The following USP36 variants were observed in gnomAD, a reference collection of about 807,000 sequenced individuals.
USP36 encodes ubiquitin carboxyl-terminal hydrolase 36.
A neutral mutation model predicts 111.5 loss-of-function variants in USP36; 59 were observed. The observed-to-expected ratio is 0.53, with a 90% confidence interval of 0.43 to 0.66. The LOEUF is 0.66. USP36 is among the 30% of genes least tolerant of loss of function. The probability of loss-of-function intolerance (pLI) is 0.00; values close to 1 mark genes in which losing one functional copy is unlikely to be tolerated. For missense variants in USP36, 1,488 were observed against 1,468.0 expected (o/e 1.01, Z -0.22); for synonymous variants, 628 against 581.0 (o/e 1.08, Z -1.16).
At chr17:78,809,464 G>A (rs547428543) in intron 13 of USP36, among the ~76,000 whole-genome samples, 20 of 152,250 alleles carry the variant, frequency 1.3e-4, no homozygotes, top group African/African-American at 4.6e-4. Flanking sequence ...GAGTAAAACG[G>A]CTCGTCTGCT....
chr17:78,815,933 CATAT>C (rs766191780), intron 10 of USP36, among the ~76,000 whole-genome samples: 4 of 149,298 alleles, frequency 2.7e-5, no homozygotes, highest in Admixed American at 6.6e-5. Flanking sequence ...CATACACACA[CATAT>C]ACACACATGC....
intron 3 of USP36, among the ~76,000 whole-genome samples, chr17:78,790,507 G>C (rs978371515): frequency 6.6e-6 from 1 of 152,030 alleles, no homozygotes; most frequent in Non-Finnish European, 1.5e-5. Context: ...TAGCCAGGCT[G>C]GTTTTGAACT....
At chr17:78,840,414 C>G (rs2069168211) in intron 1 of USP36, 1 of 152,446 alleles carries the variant, frequency 6.6e-6, no homozygotes, top group African/African-American at 2.4e-5. Flanking sequence ...CCGAAGTTGA[C>G]CTGAATCCTG....
At chr17:78,813,741 G>T in intron 12 of USP36, 32 bp downstream of exon 12, 1 of 1,593,058 alleles carries the variant, frequency 6.3e-7, no homozygotes, top group South Asian at 1.1e-5. Context: ...CAGAGGGAGT[G>T]AGCTCATCTG....
At chr17:78,801,161 A>T (rs897887483) in intron 17 of USP36, among the ~76,000 whole-genome samples, 2 of 151,894 alleles carry the variant, frequency 1.3e-5, no homozygotes. Flanking sequence ...TATTTTTAGT[A>T]GAGACGGGGT....
chr17:78,835,018 T>TATATATATATATATATATATATATATA (rs1567972747), intron 4 of USP36, among the ~76,000 whole-genome samples: 6 of 149,122 alleles, frequency 4.0e-5, no homozygotes, highest in African/African-American at 1.5e-4. Context: ...TATATATATA[T>TATATATATATATATATATATATATATA]TTTGGAAGTA....
At position 78,836,394 on chromosome 17, in the gene USP36, T is replaced by C. The variant is rs188532641; in HGVS notation, c.-9-22A>G. ...ATCACTGTGGGGACAAGAAGAAACA[T>C]AGAGCCATAGATAACGAAATCCCGG... On this transcript the variant is annotated intron_variant, in intron 2 of 20. Transcript: ENST00000449938. 1.5e-4 allele frequency: 249 copies of C among 1,607,508 alleles called. 1 individual carries two copies. Among genetic ancestry groups the C allele is most frequent in the East Asian group, 9.6e-4 (43 of 44,790 alleles).
At chr17:78,789,476 T>C (rs1178446573) in intron 3 of USP36, among the ~76,000 whole-genome samples, 1 of 152,148 alleles carries the variant, frequency 6.6e-6, no homozygotes, top group Non-Finnish European at 1.5e-5. Context: ...CCTCCTGGAC[T>C]TGCTAATTTT....
In USP36 at chr17:78,802,312, C is replaced by G; in HGVS notation, c.3022+12G>C. 1 of 1,557,564 alleles carries G rather than the reference C, an allele frequency of 6.4e-7. No homozygotes were observed. Among genetic ancestry groups the G allele is most frequent in the Non-Finnish European group, 8.7e-7 (1 of 1,151,358 alleles). On this transcript the variant is annotated intron_variant, in intron 17 of 20. Transcript: ENST00000449938. ...CACCCATGCGGTTCCCACCCCCTCG[C>G]CCGGTGCATACCCATGCGGTCCCCA... is the stretch of plus-strand genomic sequence containing the variant.
Position 78,836,290 on chromosome 17 carries a change from C to T in USP36, c.74G>A (p.Gly25Glu). The T allele has an allele frequency of 1.2e-6, 2 of 1,614,160 alleles. No homozygotes were observed. Among genetic ancestry groups the T allele is most frequent in the Non-Finnish European group, 1.7e-6 (2 of 1,180,042 alleles). The stretch of plus-strand genomic sequence containing the variant: ...CTTGGCAGAGGAGGCAAGAAGCTTC[C>T]CCAGTTCTCCATCATCAGCCGAGTC... Reference protein sequence around the residue: ...RKDSADDGELGKLLASSAKKV... With the variant: ...RKDSADDGELEKLLASSAKKV... Residue 25 changes from glycine (G) to glutamate (E), a missense_variant, in exon 3 of 21, where the codon GGG (glycine) becomes GAG (glutamate). Around this residue, in one of 3 missense-constraint regions of USP36, gnomAD observed 219 missense variants for 209.5 expected, o/e 1.05. Transcript: ENST00000449938.
intron 6 of USP36, among the ~76,000 whole-genome samples, chr17:78,824,265 T>C (rs781698069): frequency 6.6e-6 from 1 of 151,712 alleles, no homozygotes; most frequent in Non-Finnish European, 1.5e-5. Flanking sequence ...ACAAAAAAAA[T>C]GAAATCATGC....
intron 4 of USP36, among the ~76,000 whole-genome samples, chr17:78,830,028 C>T (rs763883326): frequency 1.2e-4 from 19 of 152,158 alleles, no homozygotes; most frequent in Non-Finnish European, 2.4e-4. Context: ...CGTGAGCCAT[C>T]GAGCCCAGCC....
chr17:78,832,323 T>C (rs1460598725), intron 4 of USP36, among the ~76,000 whole-genome samples: 3 of 152,174 alleles, frequency 2.0e-5, no homozygotes, highest in Non-Finnish European at 4.4e-5. Context: ...TCAAATGCCA[T>C]GTGCTAGGAG....
At chr17:78,799,584 G>T in intron 18 of USP36, 83 bp downstream of exon 18, 2 of 1,257,786 alleles carry the variant, frequency 1.6e-6, no homozygotes, top group Non-Finnish European at 2.3e-6. Flanking sequence ...CACTCACAGT[G>T]CACCAGGATC....
chr17:78,833,540 T>C (rs2068354604), intron 4 of USP36, among the ~76,000 whole-genome samples: 1 of 152,142 alleles, frequency 6.6e-6, no homozygotes, highest in Admixed American at 6.6e-5. Flanking sequence ...CGCAACTCTG[T>C]AAGGAAGACA....
chr17:78,792,943 T>C (rs999238379), downstream of USP36, among the ~76,000 whole-genome samples: 1 of 152,138 alleles, frequency 6.6e-6, no homozygotes, highest in Admixed American at 6.6e-5. Flanking sequence ...CTCGAACTTC[T>C]GACCTCAAGT....
Position 78,807,534 on chromosome 17 carries a change from A to AGCC in USP36, c.1507_1509dup (p.Gly503dup). The AGCC allele has an allele frequency of 1.9e-6, 3 of 1,613,642 alleles. No individual in the cohort carries two copies. Among genetic ancestry groups the AGCC allele is most frequent in the Non-Finnish European group, 1.7e-6 (2 of 1,179,750 alleles). ...CCCGAGGGCAGCTTTGGAGGAATGC[A>AGCC]GCCGTTCTGGGACTTCAGGCCCAGG... On this transcript the variant is annotated inframe_insertion, in exon 14 of 21. Transcript: ENST00000449938.
chr17:78,835,854 G>A (rs961504084), intron 3 of USP36, among the ~76,000 whole-genome samples: 1 of 152,036 alleles, frequency 6.6e-6, no homozygotes, highest in Admixed American at 6.6e-5. Flanking sequence ...CCTGACTTTC[G>A]ACTGTATTAT....
At chr17:78,823,089 C>T (rs1011512735) in intron 6 of USP36, 1 of 398,830 alleles carries the variant, frequency 2.5e-6, no homozygotes, top group African/African-American at 2.1e-5. Flanking sequence ...CTCAGTCTCT[C>T]ATCTGGCCTG....
Sources: allele counts gnomAD v4.1 joint callset (sites outside exome capture counted in the v4.1 genomes callset), GRCh38; gene constraint gnomAD v4.1.1; regional missense constraint gnomAD v4.1.1; transcripts MANE v1.5; gene names NCBI Gene and HGNC (gene_info 2026-07-23, HGNC 2026-07-21).